The following RGL1 variants were observed in gnomAD, a reference collection of about 807,000 sequenced individuals.
RGL1 encodes the protein ral guanine nucleotide dissociation stimulator-like 1.
In RGL1, 24 loss-of-function variants were observed where a neutral mutation model predicts 95.2. The observed-to-expected ratio is 0.25, with a 90% CI of 0.18 to 0.35. The LOEUF is 0.35. RGL1 is among the 10% of genes least tolerant of loss of function. The pLI, the probability that RGL1 is intolerant of heterozygous loss-of-function variation, is 1.00. For missense variants in RGL1, 715 were observed against 936.3 expected (o/e 0.76, Z 3.08); for synonymous variants, 329 against 344.9 (o/e 0.95, Z 0.51).
Position 183,649,904 on chromosome 1 carries a change from C to T in RGL1, c.-33+13403C>T, listed in dbSNP as rs145718325. 5.4e-3 allele frequency among the ~76,000 whole-genome samples: 823 copies of T among 152,188 alleles called. 7 individuals carry two copies. The highest frequency in any genetic ancestry group is 0.018 in the African/African-American group (764 of 41,520). ...ATGGCTCACTGTGGCCCCAACCTTC[C>T]GGGCTCAAGTGATCCTCCTGCCTCA... On this transcript the variant is annotated intron_variant, in intron 1 of 18. Coordinates refer to the RGL1 transcript ENST00000304685.
intron 2 of RGL1, among the ~76,000 whole-genome samples, chr1:183,792,115 A>G (rs1660466660): frequency 6.6e-6 from 1 of 151,444 alleles, no homozygotes; most frequent in Admixed American, 6.6e-5. Flanking sequence ...CTTTATTTTT[A>G]TGTCCTCACC....
chr1:183,745,438 CCTAAAAGTT>C (rs374068254), intron 2 of RGL1, among the ~76,000 whole-genome samples: 10 of 151,924 alleles, frequency 6.6e-5, no homozygotes, highest in East Asian at 1.9e-4. Flanking sequence ...TCCTGTGTTT[CCTAAAAGTT>C]CTAAAAGTTC....
At chr1:183,849,033 T>TAC (rs1226943656) in intron 3 of RGL1, among the ~76,000 whole-genome samples, 2 of 152,210 alleles carry the variant, frequency 1.3e-5, no homozygotes, top group Non-Finnish European at 1.5e-5. Flanking sequence ...TTACCTATGA[T>TAC]ACAGATAGCA....
At chr1:183,865,636 G>A (rs1344485844) in intron 3 of RGL1, among the ~76,000 whole-genome samples, 6 of 152,132 alleles carry the variant, frequency 3.9e-5, no homozygotes, top group Non-Finnish European at 7.4e-5. Flanking sequence ...TGGACGGGAG[G>A]GTTTGGTGTG....
At chr1:183,893,371 T>G (rs552595583) in intron 9 of RGL1, among the ~76,000 whole-genome samples, 1 of 152,348 alleles carries the variant, frequency 6.6e-6, no homozygotes, top group South Asian at 2.1e-4. Context: ...AGAATTGTTT[T>G]GAAGATTCAC....
intron 1 of RGL1, among the ~76,000 whole-genome samples, chr1:183,741,461 C>T (rs369796359): frequency 2.0e-5 from 3 of 152,118 alleles, no homozygotes; most frequent in Admixed American, 6.5e-5. Context: ...TAACTGTTAG[C>T]GAAACCAAGG....
intron 2 of RGL1, among the ~76,000 whole-genome samples, chr1:183,779,678 G>A (rs1408954533): frequency 6.6e-6 from 1 of 152,202 alleles, no homozygotes; most frequent in African/African-American, 2.4e-5. Flanking sequence ...GGGTCAAGGT[G>A]AGTGTGTGAG....
chr1:183,757,019 TTG>T lies in RGL1; in HGVS notation c.132+14732_132+14733del, dbSNP rs745424354. On this transcript the variant is annotated intron_variant, in intron 2 of 18. Transcript: ENST00000304685. ...GATAACACTTAGTTGGGTGGTTTGTTTGTTTTTTTTTTTTTGTATTGCTGATT... is the reference window on the plus strand; with the variant it reads ...GATAACACTTAGTTGGGTGGTTTGTTTTTTTTTTTTTTTGTATTGCTGATT... Among the ~76,000 whole-genome samples, 93 of 83,024 alleles carry T rather than the reference TTG, an allele frequency of 1.1e-3. 3 individuals carry two copies. Among genetic ancestry groups the T allele is most frequent in the Middle Eastern group, 5.3e-3 (1 of 188 alleles). 54.5% of individuals were successfully genotyped at this position (83,024 alleles called of 152,430 possible). A position where few individuals can be genotyped will look rare whatever the true frequency, so the allele number is the denominator to read the frequency against.
intron 2 of RGL1, among the ~76,000 whole-genome samples, chr1:183,845,224 C>G (rs768240612): frequency 7.2e-5 from 11 of 152,194 alleles, no homozygotes; most frequent in Non-Finnish European, 1.5e-4. Context: ...GGCGATTGTT[C>G]GCATCACTTA....
At chr1:183,683,789 C>T (rs1177571772) in intron 1 of RGL1, among the ~76,000 whole-genome samples, 1 of 152,218 alleles carries the variant, frequency 6.6e-6, no homozygotes, top group Admixed American at 6.5e-5. Flanking sequence ...CTCCCTGTCA[C>T]TTTCAGGTAC....
At chr1:183,857,444 TAAG>T (rs772348252) in intron 3 of RGL1, among the ~76,000 whole-genome samples, 1 of 152,200 alleles carries the variant, frequency 6.6e-6, no homozygotes, top group Non-Finnish European at 1.5e-5. Flanking sequence ...GCAACACAGA[TAAG>T]AAACAAGGAA....
At chr1:183,722,384 G>T (rs1235462583) in intron 1 of RGL1, among the ~76,000 whole-genome samples, 2 of 152,012 alleles carry the variant, frequency 1.3e-5, no homozygotes, top group Non-Finnish European at 2.9e-5. Context: ...GGCTTCAGAA[G>T]AGAAGAGAGT....
intron 1 of RGL1, among the ~76,000 whole-genome samples, chr1:183,656,728 A>C (rs1327632367): frequency 6.6e-6 from 1 of 152,230 alleles, no homozygotes; most frequent in African/African-American, 2.4e-5. Flanking sequence ...TAATTTGTCT[A>C]ATGTTTTAAC....
chr1:183,680,875 C>T (rs1342594145), intron 1 of RGL1, among the ~76,000 whole-genome samples: 1 of 152,144 alleles, frequency 6.6e-6, no homozygotes, highest in Non-Finnish European at 1.5e-5. Flanking sequence ...TTGTAGTTCT[C>T]CTTGAAGAGG....
chr1:183,692,246 T>A (rs1279954099), intron 1 of RGL1, among the ~76,000 whole-genome samples: 2 of 152,236 alleles, frequency 1.3e-5, no homozygotes, highest in Non-Finnish European at 2.9e-5. Flanking sequence ...GAAAGTGTAT[T>A]GGCCTCATGG....
Position 183,866,093 on chromosome 1 carries a change from G to T in RGL1, c.425+20G>T. The T allele has an allele frequency of 1.9e-6, 3 of 1,564,382 alleles. No individual in the cohort carries two copies. The highest frequency in any genetic ancestry group is 2.6e-6 in the Non-Finnish European group (3 of 1,134,964). On this transcript the variant is annotated intron_variant, in intron 4 of 17. Coordinates refer to ENST00000360851, the MANE Select transcript of RGL1 (RefSeq NM_001297671.3). The stretch of plus-strand genomic sequence containing the variant: ...CAGGAAGTGAGTCTCCCTTTTCTTT[G>T]CATTCTAAGCTCTCAGTCAAGACAA...
chr1:183,871,958 T>C (rs577729311), intron 4 of RGL1, among the ~76,000 whole-genome samples: 1 of 151,162 alleles, frequency 6.6e-6, no homozygotes, highest in African/African-American at 2.5e-5. Context: ...TCACGGTGAT[T>C]TCTGATGGTA....
At chr1:183,823,584 C>T (rs1278821356) in intron 2 of RGL1, among the ~76,000 whole-genome samples, 1 of 152,182 alleles carries the variant, frequency 6.6e-6, no homozygotes, top group African/African-American at 2.4e-5. Flanking sequence ...ACATTTTTTT[C>T]ACCATTCAGT....
Position 183,884,848 on chromosome 1 carries a change from C to A in RGL1, c.861C>A (p.Thr287=), listed in dbSNP as rs1379183307. ...CCATCTCTCAGTTTAATACCCTCAC[C>A]AAATGTGTTGTCAGCACCATCCTGG... The part of the protein sequence containing the change: ...RATISQFNTL[T]KCVVSTILGG... The change falls in exon 7 of 18, where the codon ACC becomes ACA. Residue 287 remains threonine, a synonymous_variant. Coordinates refer to ENST00000360851, the MANE Select transcript of RGL1 (RefSeq NM_001297671.3). 6.2e-6 allele frequency: 10 copies of A among 1,614,002 alleles called. No homozygotes were observed. The highest frequency in any genetic ancestry group is 8.5e-6 in the Non-Finnish European group (10 of 1,180,004).
Sources: gnomAD v4.1 joint callset for allele counts (sites outside exome capture counted in the v4.1 genomes callset) on GRCh38, gnomAD v4.1.1 for gene constraint, MANE v1.5 for transcripts, NCBI Gene and HGNC (gene_info 2026-07-23, HGNC 2026-07-21) for gene names.